The following ARHGAP30 variants were observed in gnomAD, a reference collection of about 807,000 sequenced individuals.
The protein encoded by ARHGAP30 is rho GTPase-activating protein 30.
Under a neutral mutation model 72.0 loss-of-function variants are expected in ARHGAP30, and 23 were observed. The ratio of observed to expected loss-of-function variants is 0.32; its 90% CI spans 0.23 to 0.45. ARHGAP30 has a LOEUF of 0.45. Among genes scored for constraint, ARHGAP30 ranks in the 20% least tolerant of loss-of-function variants. The pLI, the probability that ARHGAP30 is intolerant of heterozygous loss-of-function variation, is 1.00. For missense variants in ARHGAP30, 1,319 were observed against 1,383.4 expected, an observed-to-expected ratio of 0.95 and a Z score of 0.74; for synonymous variants, 576 against 528.2, an observed-to-expected ratio of 1.09 and a Z score of -1.24.
chr1:161,049,995 T>A (rs942107918), intron 10 of ARHGAP30, among the ~76,000 whole-genome samples: 24 of 152,178 alleles, frequency 1.6e-4, no homozygotes, highest in Admixed American at 6.5e-5. Context: ...AAGCAATTTG[T>A]CTAAGGTCAT....
chr1:161,055,906 A>AAAATAAAATAAAAAT (rs1651833484), intron 3 of ARHGAP30, among the ~76,000 whole-genome samples: 19 of 28,370 alleles, frequency 6.7e-4, no homozygotes, highest in Non-Finnish European at 1.7e-3. Context: ...AAAATAAAAT[A>AAAATAAAATAAAAAT]AAATAAAATA....
rs1158578670 is a variant in ARHGAP30 at position 161,055,875 on chromosome 1, TA to T, written c.345+512del. Among the ~76,000 whole-genome samples the T allele has an allele frequency of 9.3e-4, 107 of 114,962 alleles. 1 individual carries two copies. Among genetic ancestry groups the T allele is most frequent in the East Asian group, 6.5e-3 (24 of 3,710 alleles). The allele number at this position is 114,962 out of a possible 152,430, so 75.4% of individuals were successfully genotyped here. A position where few individuals can be genotyped will look rare whatever the true frequency, so the allele number is the denominator to read the frequency against. ...ATAAAATAAATAAAATAAAATAAAA[TA>T]AAATAAAAATAAATAAAATAAAATA... is the stretch of plus-strand genomic sequence containing the variant. On this transcript the variant is annotated intron_variant, in intron 3 of 11. Coordinates refer to ENST00000368013, the MANE Select transcript of ARHGAP30 (RefSeq NM_001025598.2).
At position 161,048,735 on chromosome 1, in the gene ARHGAP30, C is replaced by G. The variant is rs975151998; in HGVS notation, c.2286G>C (p.Gln762His). ...REEDEQREEA[Q>H]VEAGRDLEQG... ...GCTCTAGGTCCCTTCCAGCTTCTAC[C>G]TGGGCTTCCTCTCTTTGTTCATCCT... The change falls in exon 12 of 12, where the codon CAG (glutamine) becomes CAC (histidine). Residue 762 changes from glutamine to histidine, a missense_variant. Around this residue, in one of 2 missense-constraint regions of ARHGAP30, gnomAD observed 1,097 missense variants for 1,045.2 expected, o/e 1.05. Transcript: ENST00000368013. 4 of 1,613,956 alleles carry G rather than the reference C, an allele frequency of 2.5e-6. No homozygotes were observed. The highest frequency in any genetic ancestry group is 1.7e-6 in the Non-Finnish European group (2 of 1,180,032).
At chr1:161,068,906 G>GC (rs1652954167) in intron 1 of ARHGAP30, among the ~76,000 whole-genome samples, 2 of 152,020 alleles carry the variant, frequency 1.3e-5, no homozygotes, top group Admixed American at 1.3e-4. Context: ...TTCTCCCCTT[G>GC]CCCCCCACTT....
At chr1:161,068,453 G>A (rs536797208) in intron 1 of ARHGAP30, among the ~76,000 whole-genome samples, 15 of 152,224 alleles carry the variant, frequency 9.9e-5, no homozygotes, top group Admixed American at 6.5e-4. Context: ...ACGCAGGGGC[G>A]GGGCTAAGAG....
At chr1:161,067,096 G>A (rs1271641950) in intron 1 of ARHGAP30, among the ~76,000 whole-genome samples, 1 of 152,120 alleles carries the variant, frequency 6.6e-6, no homozygotes, top group African/African-American at 2.4e-5. Context: ...TCAAGGAGAT[G>A]GGGGAAGAGA....
In ARHGAP30 at chr1:161,058,149, C is replaced by T. The variant is rs142299536; in HGVS notation, c.200+1465G>A. On this transcript the variant is annotated intron_variant, in intron 2 of 11. Coordinates refer to ENST00000368013, the MANE Select transcript of ARHGAP30 (RefSeq NM_001025598.2). ...CTGGGCAACAAGAGTGAAACTCCAT[C>T]TCAAAAAAAAAAATTAACCGGGAGT... is the stretch of plus-strand genomic sequence containing the variant. 2.9e-4 allele frequency among the ~76,000 whole-genome samples: 43 copies of T among 150,146 alleles called. 1 individual carries two copies. The highest frequency in any genetic ancestry group is 2.4e-4 in the Non-Finnish European group (16 of 67,406).
At chr1:161,052,978 G>A (rs1651527312) in intron 6 of ARHGAP30, 181 bp from the exon 7 acceptor site, 1 of 935,842 alleles carries the variant, frequency 1.1e-6, no homozygotes, top group Non-Finnish European at 1.6e-6. Context: ...AGGGCTGGGA[G>A]ATCCGAGAAC....
chr1:161,064,351 A>G (rs1652535148), intron 1 of ARHGAP30, among the ~76,000 whole-genome samples: 2 of 152,264 alleles, frequency 1.3e-5, no homozygotes, highest in African/African-American at 4.8e-5. Context: ...GAATTAATCA[A>G]TTATGAGAAT....
rs1653049390 is a variant in ARHGAP30, at chr1:161,069,851, A to C, written c.-227T>G. ...AAGAGGAAGCTACCAGGACCCTGGC[A>C]AGAAATTGTGTCCTGTGTCTCGTGG... is the stretch of plus-strand genomic sequence containing the variant. On this transcript the variant is annotated 5_prime_UTR_variant, in exon 1 of 12. Coordinates refer to ENST00000368013, the MANE Select transcript of ARHGAP30 (RefSeq NM_001025598.2). This position sits in a 1 kb window ranked among gnomAD's most constrained non-coding sequence, Gnocchi z 4.9. The C allele has an allele frequency of 1.7e-6, 1 of 574,582 alleles. No homozygotes were observed. Among genetic ancestry groups the C allele is most frequent in the Admixed American group, 3.0e-5 (1 of 33,138 alleles). 35.6% of individuals were successfully genotyped at this position (574,582 alleles called of 1,614,324 possible).
rs1177263345 is a variant in ARHGAP30 at position 161,048,932 on chromosome 1, C to T, written c.2089G>A (p.Gly697Arg). Residue 697 changes from glycine to arginine, a missense_variant, in exon 12 of 12, where the codon GGA becomes AGA. Transcript: ENST00000368013. ...KASEDRGEAG[G>R]SQETKVRLRE... The stretch of plus-strand genomic sequence containing the variant: ...AATCTGACTTTTGTCTCTTGGCTTC[C>T]CCCAGCCTCCCCTCTATCCTCACTG... 3 of 1,613,878 alleles carry T rather than the reference C, an allele frequency of 1.9e-6. No homozygotes were observed. The highest frequency in any genetic ancestry group is 1.1e-5 in the South Asian group (1 of 91,086).
Position 161,051,590 on chromosome 1 carries a change from T to C in ARHGAP30, c.1144A>G (p.Thr382Ala), listed in dbSNP as rs199763567. The C allele has an allele frequency of 4.8e-4, 771 of 1,613,878 alleles. 13 individuals are homozygous for C. In the South Asian group the frequency reaches 6.6e-3, roughly 14 times the overall value. The change falls in exon 10 of 12, where the codon ACA (threonine) becomes GCA (alanine). Residue 382 changes from threonine to alanine, a missense_variant. Around this residue, in one of 2 missense-constraint regions of ARHGAP30, gnomAD observed 1,097 missense variants for 1,045.2 expected, o/e 1.05. Transcript: ENST00000368013. Reference sequence around the variant, plus strand: ...CGTGGTGTGCCTGGTTCAGAGTTTGTGCCACCCAGTGCTTCTGCCTCAGGC... The same window carrying C: ...CGTGGTGTGCCTGGTTCAGAGTTTGCGCCACCCAGTGCTTCTGCCTCAGGC... ...QEPEAEALGG[T>A]NSEPGTPRAG...
Position 161,049,642 on chromosome 1 carries a change from C to T in ARHGAP30, c.1468G>A (p.Gly490Ser). ...SPASSPLADS[G>S]PDDLAPALED... ...AGGGCAGGAGCCAAGTCGTCTGGGC[C>T]TGAGTCTGCCAGGGGACTTGAGGCT... is the stretch of plus-strand genomic sequence containing the variant. The change falls in exon 11 of 12, where the codon GGC (glycine) becomes AGC (serine). Residue 490 changes from glycine (G) to serine (S), a missense_variant. By Grantham distance (56) the Gly-to-Ser change is moderately conservative. This residue lies in a region of ARHGAP30 where 1,097 missense variants were observed against 1,045.2 expected (regional missense o/e 1.05). Coordinates refer to ENST00000368013, the MANE Select transcript of ARHGAP30 (RefSeq NM_001025598.2). 6.2e-7 allele frequency: 1 copy of T among 1,613,996 alleles called. No individual in the cohort carries two copies. The highest frequency in any genetic ancestry group is 1.1e-5 in the South Asian group (1 of 91,084).
At chr1:161,054,817 A>G in intron 3 of ARHGAP30, 112 bp from the exon 4 acceptor site, 1 of 881,964 alleles carries the variant, frequency 1.1e-6, no homozygotes, top group Non-Finnish European at 1.9e-6. Context: ...ACTCTGTGCT[A>G]CCCCATCCTA....
Position 161,047,746 on chromosome 1 carries a change from T to C in ARHGAP30, c.3275A>G (p.Gln1092Arg). The change falls in exon 12 of 12, where the codon CAG (glutamine) becomes CGG (arginine). Residue 1092 changes from glutamine (Q) to arginine (R), a missense_variant. Coordinates refer to ENST00000368013, the MANE Select transcript of ARHGAP30 (RefSeq NM_001025598.2). ...TCCTTCACCTTTCCCAGGGTTAGCC[T>C]GTGTTTCAAATGCATATGACCTGCG... ...SQRRSYAFET[Q>R]ANPGKGEGL 1 of 1,534,408 alleles carries C rather than the reference T, an allele frequency of 6.5e-7. No individual in the cohort carries two copies. Among genetic ancestry groups the C allele is most frequent in the Non-Finnish European group, 8.8e-7 (1 of 1,142,660 alleles).
At chr1:161,055,906 A>AAAATAAAATAAAATAAAAAT (rs1651833645) in intron 3 of ARHGAP30, among the ~76,000 whole-genome samples, 1 of 28,774 alleles carries the variant, frequency 3.5e-5, no homozygotes, top group African/African-American at 9.5e-5. Flanking sequence ...AAAATAAAAT[A>AAAATAAAATAAAATAAAAAT]AAATAAAATA....
chr1:161,053,280 G>A lies in ARHGAP30; in HGVS notation c.642C>T (p.Leu214=). The part of the protein sequence containing the change: ...VEFILTHVDQ[L]FGGAALSGGE... Reference sequence around the variant, plus strand: ...GACCAGAGAGGGCAGCACCCCCAAAGAGCTGGTCCACGTGTGTGAGGATGA... The same window carrying A: ...GACCAGAGAGGGCAGCACCCCCAAAAAGCTGGTCCACGTGTGTGAGGATGA... The change falls in exon 6 of 12, where the codon CTC becomes CTT. Residue 214 remains leucine (L), a synonymous_variant. Transcript: ENST00000368013. 1.2e-6 allele frequency: 2 copies of A among 1,613,950 alleles called. No individual in the cohort carries two copies. The highest frequency in any genetic ancestry group is 1.7e-6 in the Non-Finnish European group (2 of 1,180,010).
chr1:161,061,446 CCTGA>C (rs1553219060), intron 1 of ARHGAP30, among the ~76,000 whole-genome samples: 4 of 151,036 alleles, frequency 2.6e-5, no homozygotes, highest in Admixed American at 1.3e-4. Context: ...AGCCACCGCG[CCTGA>C]CCTGCTTTAT....
In ARHGAP30 at chr1:161,052,739, G is replaced by C. The variant is rs371570686; in HGVS notation, c.723C>G (p.Pro241=). Residue 241 remains proline (P), a synonymous_variant, in exon 7 of 12, where the codon CCC becomes CCG. Transcript: ENST00000368013. ...GCAGTGGCCTGGGCATAAGGTCCTC[G>C]GGGCTGCCTGATGCCCGGGTCCCTG... The part of the protein sequence containing the change: ...SLPGTRASGS[P]EDLMPRPLPY... The C allele has an allele frequency of 6.2e-7, 1 of 1,612,086 alleles. No homozygotes were observed. The highest frequency in any genetic ancestry group is 8.5e-7 in the Non-Finnish European group (1 of 1,179,976).
Sources: gnomAD v4.1 joint callset for allele counts (sites outside exome capture counted in the v4.1 genomes callset) on GRCh38, gnomAD v4.1.1 for gene constraint, gnomAD v4.1.1 regional missense constraint, Gnocchi (gnomAD v3.1) non-coding constraint, MANE v1.5 for transcripts, NCBI Gene and HGNC (gene_info 2026-07-23, HGNC 2026-07-21) for gene names.